Variants in PCDHGA6 observed in about 807,000 individuals in gnomAD.
The protein encoded by PCDHGA6 is protocadherin gamma-A6.
A neutral mutation model predicts 60.6 loss-of-function variants in PCDHGA6; 41 were observed. That is an observed-to-expected ratio of 0.68 (90% confidence interval 0.53 to 0.88). The LOEUF (loss-of-function observed/expected upper bound fraction) is 0.88. Among genes scored for constraint, PCDHGA6 ranks in the 40% least tolerant of loss-of-function variants. The pLI, the probability that PCDHGA6 is intolerant of heterozygous loss-of-function variation, is 0.00. For synonymous variants in PCDHGA6, 594 were observed against 524.4 expected, an observed-to-expected ratio of 1.13 and a Z score of -1.81; for missense variants, 1,312 against 1,203.0, an observed-to-expected ratio of 1.09 and a Z score of -1.34.
chr5:141,438,471 A>C (rs1019238906), intron 1 of PCDHGA6, among the ~76,000 whole-genome samples: 4 of 151,396 alleles, frequency 2.6e-5, no homozygotes, highest in Admixed American at 2.6e-4. Flanking sequence ...CAATTATTGG[A>C]AAGTGGTCTC....
chr5:141,398,799 C>T (rs2093705548), intron 1 of PCDHGA6: 3 of 1,613,848 alleles, frequency 1.9e-6, no homozygotes, highest in East Asian at 2.2e-5. Context: ...CCCTAAGCGG[C>T]ACCACTGAGC....
chr5:141,414,040 C>T, intron 1 of PCDHGA6: 2 of 1,611,438 alleles, frequency 1.2e-6, no homozygotes, highest in Non-Finnish European at 1.7e-6. Context: ...CCGAAAATTA[C>T]CTGACACGCA....
chr5:141,390,837 T>C (rs1299248607), intron 1 of PCDHGA6: 1 of 163,140 alleles, frequency 6.1e-6, no homozygotes. Flanking sequence ...ATGGACCCCT[T>C]GTGATTATAT....
intron 1 of PCDHGA6, among the ~76,000 whole-genome samples, chr5:141,465,090 A>G (rs566511602): frequency 6.7e-6 from 1 of 149,576 alleles, no homozygotes; most frequent in Admixed American, 6.7e-5. Flanking sequence ...TCATTTTTCT[A>G]GTAGTTTTTT....
intron 1 of PCDHGA6, chr5:141,433,196 C>A (rs750657930): frequency 4.4e-6 from 7 of 1,575,116 alleles, no homozygotes; most frequent in African/African-American, 1.4e-5. Context: ...GAGTTTATAT[C>A]AAATCTTCTT....
intron 1 of PCDHGA6, chr5:141,410,799 C>A: frequency 1.8e-6 from 1 of 560,610 alleles, no homozygotes; most frequent in Non-Finnish European, 2.6e-6. Flanking sequence ...ATAAGTTGCT[C>A]TATCTTTTTG....
chr5:141,477,066 T>C lies in PCDHGA6; in HGVS notation c.2425-17741T>C. ...CGGCTGGACTTCGAGGACACCAAAC[T>C]CCATGAGATTTACATCCAGGCCAAA... On this transcript the variant is annotated intron_variant, in intron 1 of 3. Coordinates refer to ENST00000517434, the MANE Select transcript of PCDHGA6 (RefSeq NM_018919.3). This position sits in a 1 kb window ranked among gnomAD's most constrained non-coding sequence, Gnocchi z 4.9. 6.2e-7 allele frequency: 1 copy of C among 1,614,148 alleles called. No homozygotes were observed. The highest frequency in any genetic ancestry group is 8.5e-7 in the Non-Finnish European group (1 of 1,180,028).
rs1445450316 is a variant in PCDHGA6, at chr5:141,491,210, C to T, written c.2425-3597C>T. On this transcript the variant is annotated intron_variant, in intron 1 of 3. Coordinates refer to ENST00000517434, the MANE Select transcript of PCDHGA6 (RefSeq NM_018919.3). The surrounding 1 kb of genome is among the most constrained non-coding windows in gnomAD (Gnocchi z 6.9). ...AGGGACAATGGTGACCCTTCACTCT[C>T]CTCCACAGCCACAGTGCTGCTGGTT... The T allele has an allele frequency of 3.7e-6, 6 of 1,614,228 alleles. No homozygotes were observed. Among genetic ancestry groups the T allele is most frequent in the Non-Finnish European group, 3.4e-6 (4 of 1,180,032 alleles).
Position 141,489,398 on chromosome 5 carries a change from G to A in PCDHGA6, c.2425-5409G>A, listed in dbSNP as rs2099686644. On this transcript the variant is annotated intron_variant, in intron 1 of 3. Transcript: ENST00000517434. This position sits in a 1 kb window ranked among gnomAD's most constrained non-coding sequence, Gnocchi z 4.5. The stretch of plus-strand genomic sequence containing the variant: ...GTGGGGAATGTTGCTCAGGATCTGG[G>A]CTTAAAGATGACAGATCTGTTGAGC... 6.2e-7 allele frequency: 1 copy of A among 1,614,064 alleles called. No homozygotes were observed. The highest frequency in any genetic ancestry group is 1.3e-5 in the African/African-American group (1 of 74,910).
rs1771075321 is a variant in PCDHGA6 at position 141,375,040 on chromosome 5, T to C, written c.957T>C (p.Val319=). The C allele has an allele frequency of 2.5e-6, 4 of 1,614,056 alleles. No homozygotes were observed. The highest frequency in any genetic ancestry group is 3.4e-6 in the Non-Finnish European group (4 of 1,179,898). Residue 319 remains valine (V), a synonymous_variant, in exon 1 of 4, where the codon GTT becomes GTC. Coordinates refer to ENST00000517434, the MANE Select transcript of PCDHGA6 (RefSeq NM_018919.3). ...YEDSSFYELG[V]EARDGPGLRD... is the part of the protein sequence containing the mutation. ...ACTCGAGTTTTTATGAGCTGGGTGT[T>C]GAAGCCCGGGATGGGCCAGGTCTTC...
chr5:141,394,171 C>T (rs115102808), intron 1 of PCDHGA6: 17,700 of 1,613,924 alleles, frequency 0.011, 141 homozygotes, highest in Non-Finnish European at 0.013. Flanking sequence ...CCTACTTTCC[C>T]TCATGCCTCC....
intron 1 of PCDHGA6, among the ~76,000 whole-genome samples, chr5:141,381,279 A>G (rs1001552478): frequency 3.3e-5 from 5 of 152,246 alleles, no homozygotes; most frequent in Non-Finnish European, 7.3e-5. Flanking sequence ...GTTTCTTGCC[A>G]GGTCTTTATT....
At chr5:141,403,261 G>A in intron 1 of PCDHGA6, 1 of 1,613,852 alleles carries the variant, frequency 6.2e-7, no homozygotes, top group East Asian at 2.2e-5. Flanking sequence ...CGCGGTGTCT[G>A]GTGAACTTTA....
Position 141,388,206 on chromosome 5 carries a change from G to C in PCDHGA6, c.2424+11699G>C. ...GCCAGCTTGTGCTCTGGAATTTGAGGCTGTTGCTGAAAATCCACTGAACTT... is the reference window on the plus strand; with the variant it reads ...GCCAGCTTGTGCTCTGGAATTTGAGCCTGTTGCTGAAAATCCACTGAACTT... On this transcript the variant is annotated intron_variant, in intron 1 of 3. Coordinates refer to ENST00000517434, the MANE Select transcript of PCDHGA6 (RefSeq NM_018919.3). 4 of 1,578,262 alleles carry C rather than the reference G, an allele frequency of 2.5e-6. No homozygotes were observed. In the South Asian group the frequency reaches 4.5e-5, roughly 18 times the overall value.
At position 141,490,076 on chromosome 5, in the gene PCDHGA6, A is replaced by G. The variant is rs1025569516; in HGVS notation, c.2425-4731A>G. 2.5e-6 allele frequency: 4 copies of G among 1,614,240 alleles called. No homozygotes were observed. The highest frequency in any genetic ancestry group is 1.3e-5 in the African/African-American group (1 of 75,070). Reference sequence around the variant, plus strand: ...GAGGGCACCAACGGCCAACTAGACTATTCTTTTGGAGACCACACATCTGAG... The same window carrying G: ...GAGGGCACCAACGGCCAACTAGACTGTTCTTTTGGAGACCACACATCTGAG... On this transcript the variant is annotated intron_variant, in intron 1 of 3. Coordinates refer to ENST00000517434, the MANE Select transcript of PCDHGA6 (RefSeq NM_018919.3). The surrounding 1 kb of genome is among the most constrained non-coding windows in gnomAD (Gnocchi z 5.4).
rs1369501221 is a variant in PCDHGA6 at position 141,493,257 on chromosome 5, A to G, written c.2425-1550A>G. On this transcript the variant is annotated intron_variant, in intron 1 of 3. Coordinates refer to ENST00000517434, the MANE Select transcript of PCDHGA6 (RefSeq NM_018919.3). The surrounding 1 kb of genome is among the most constrained non-coding windows in gnomAD (Gnocchi z 4.3). ...GGCTAGGTACTAACATGCCTCTCTT[A>G]TAACAGCTTCACAGAGGTCAAGTGA... Among the ~76,000 whole-genome samples the G allele has an allele frequency of 6.6e-6, 1 of 152,190 alleles. No individual in the cohort carries two copies. Among genetic ancestry groups the G allele is most frequent in the South Asian group, 2.1e-4 (1 of 4,830 alleles).
intron 1 of PCDHGA6, 169 bp downstream of exon 1, chr5:141,376,676 G>GTTTTTTTTTTTTTTTTTTTTTTTT (rs67197835): frequency 1.1e-5 from 3 of 275,812 alleles, no homozygotes; most frequent in African/African-American, 3.7e-5. Flanking sequence ...TGAGGGTATC[G>GTTTTTTTTTTTTTTTTTTTTTTTT]TTTTTTTTTT....
Position 141,486,697 on chromosome 5 carries a change from C to G in PCDHGA6, c.2425-8110C>G. 1 of 1,614,176 alleles carries G rather than the reference C, an allele frequency of 6.2e-7. No individual in the cohort carries two copies. The highest frequency in any genetic ancestry group is 8.5e-7 in the Non-Finnish European group (1 of 1,180,032). ...GAGATGTATCAGCTTCCTCTTTCATCTCTCTGAACCCCCAGACAGGAGCTG... is the reference window on the plus strand; with the variant it reads ...GAGATGTATCAGCTTCCTCTTTCATGTCTCTGAACCCCCAGACAGGAGCTG... On this transcript the variant is annotated intron_variant, in intron 1 of 3. Coordinates refer to ENST00000517434, the MANE Select transcript of PCDHGA6 (RefSeq NM_018919.3). The surrounding 1 kb of genome is among the most constrained non-coding windows in gnomAD (Gnocchi z 5.0).
chr5:141,414,180 A>G, intron 1 of PCDHGA6: 2 of 1,608,986 alleles, frequency 1.2e-6, no homozygotes, highest in Middle Eastern at 1.7e-4. Context: ...TTGCAACTGC[A>G]AAAGTGTTGA....
Sources: gnomAD v4.1 joint callset for allele counts (sites outside exome capture counted in the v4.1 genomes callset) on GRCh38, gnomAD v4.1.1 for gene constraint, Gnocchi (gnomAD v3.1) non-coding constraint, MANE v1.5 for transcripts, NCBI Gene and HGNC (gene_info 2026-07-23, HGNC 2026-07-21) for gene names.